The following SNW1 variants were observed in gnomAD, a reference collection of about 807,000 sequenced individuals.
SNW1 encodes SNW domain-containing protein 1.
A neutral mutation model predicts 75.6 loss-of-function variants in SNW1; 9 were observed. That is an observed-to-expected ratio of 0.12 (90% CI 0.07 to 0.21). SNW1 has a LOEUF of 0.21. Among genes scored for constraint, SNW1 ranks in the 10% least tolerant of loss-of-function variants. SNW1 has a pLI of 1.00. For missense variants in SNW1, 409 were observed against 670.9 expected, an observed-to-expected ratio of 0.61 and a Z score of 4.31; for synonymous variants, 200 against 219.1, an observed-to-expected ratio of 0.91 and a Z score of 0.77.
intron 8 of SNW1, among the ~76,000 whole-genome samples, chr14:77,733,742 C>CAAAAAAAAAAA (rs35483765): frequency 6.2e-5 from 4 of 64,850 alleles, no homozygotes; most frequent in Non-Finnish European, 8.1e-5. Flanking sequence ...GAGACCGTCT[C>CAAAAAAAAAAA]AAAAAAAAAA....
intron 10 of SNW1, among the ~76,000 whole-genome samples, chr14:77,730,410 T>G (rs141056007): frequency 0.013 from 1,918 of 151,946 alleles, 33 homozygotes; most frequent in African/African-American, 0.041. Context: ...ATGAACTAAA[T>G]AAATGAAAGA....
chr14:77,733,828 T>C, intron 8 of SNW1: 1 of 218,258 alleles, frequency 4.6e-6, no homozygotes, highest in South Asian at 4.9e-5. Flanking sequence ...TTCTAAAACT[T>C]TGCATCCCAT....
At chr14:77,759,945 G>A (rs747558170) in intron 1 of SNW1, among the ~76,000 whole-genome samples, 2 of 151,478 alleles carry the variant, frequency 1.3e-5, no homozygotes, top group African/African-American at 4.9e-5. Context: ...CAGCGAGACC[G>A]CATCTCAAAA....
intron 3 of SNW1, among the ~76,000 whole-genome samples, chr14:77,741,778 G>A (rs6574391): frequency 0.84 from 127,620 of 152,110 alleles, 53,684 homozygotes; most frequent in African/African-American, 0.87. Context: ...TTAATCATGA[G>A]GAGTTTATCA....
intron 10 of SNW1, among the ~76,000 whole-genome samples, chr14:77,724,485 TC>T (rs1463661256): frequency 6.6e-6 from 1 of 152,254 alleles, no homozygotes; most frequent in Admixed American, 6.5e-5. Context: ...TTCTGTACCA[TC>T]AACCAATCTC....
At chr14:77,754,573 C>T (rs962307845) in intron 2 of SNW1, among the ~76,000 whole-genome samples, 2 of 152,072 alleles carry the variant, frequency 1.3e-5, no homozygotes, top group African/African-American at 4.8e-5. Context: ...GGAAAGTTGT[C>T]TCTTCAGGGT....
At chr14:77,744,663 C>T (rs2080746783) in intron 3 of SNW1, among the ~76,000 whole-genome samples, 1 of 152,108 alleles carries the variant, frequency 6.6e-6, no homozygotes, top group African/African-American at 2.4e-5. Context: ...AAAACTCCTG[C>T]TTTCCAGTCT....
chr14:77,735,807 C>A, intron 7 of SNW1, 130 bp downstream of exon 7: 1 of 623,676 alleles, frequency 1.6e-6, no homozygotes, highest in South Asian at 2.2e-5. Context: ...CTTGAAACTT[C>A]ATCTTGAAAA....
chr14:77,722,196 C>CT (rs2080546668), intron 11 of SNW1, among the ~76,000 whole-genome samples: 1 of 152,194 alleles, frequency 6.6e-6, no homozygotes, highest in Non-Finnish European at 1.5e-5. Context: ...AGCGTTCCCT[C>CT]TACTTTTCAG....
At chr14:77,722,416 A>G in intron 11 of SNW1, 1 of 396,770 alleles carries the variant, frequency 2.5e-6, no homozygotes, top group South Asian at 1.8e-5. Flanking sequence ...TACTTCTTTC[A>G]AAACTGCTCT....
chr14:77,754,956 T>C lies in SNW1; in HGVS notation c.168+11A>G, dbSNP rs763486571. On this transcript the variant is annotated intron_variant, in intron 2 of 13. Transcript: ENST00000261531. Reference sequence around the variant, plus strand: ...CAATTTAACAAATCTAAACTTAAGATCTATATGTACCTCTAATAACCGAGG... The same window carrying C: ...CAATTTAACAAATCTAAACTTAAGACCTATATGTACCTCTAATAACCGAGG... The C allele has an allele frequency of 7.4e-5, 116 of 1,567,078 alleles. 1 individual carries two copies. The highest frequency in any genetic ancestry group is 2.1e-4 in the Middle Eastern group (1 of 4,804).
intron 2 of SNW1, among the ~76,000 whole-genome samples, chr14:77,753,247 T>C (rs1054490429): frequency 2.0e-5 from 3 of 152,198 alleles, no homozygotes; most frequent in African/African-American, 4.8e-5. Flanking sequence ...AAAAATCTAA[T>C]AGCAACCAAG....
At chr14:77,757,816 C>T (rs896288206) in intron 1 of SNW1, among the ~76,000 whole-genome samples, 1 of 152,210 alleles carries the variant, frequency 6.6e-6, no homozygotes, top group Non-Finnish European at 1.5e-5. Flanking sequence ...TCTTCCCCAG[C>T]ACTCACCATC....
Position 77,717,788 on chromosome 14 carries a change from A to C in SNW1, c.*300T>G. The stretch of plus-strand genomic sequence containing the variant: ...ATATGCAGCTGTTCTTACACAAAAC[A>C]TTAACCCCAAACTACTAGTGTCACA... On this transcript the variant is annotated 3_prime_UTR_variant, in exon 14 of 14. Coordinates refer to ENST00000261531, the MANE Select transcript of SNW1 (RefSeq NM_012245.3). The C allele has an allele frequency of 3.4e-6, 2 of 593,616 alleles. No homozygotes were observed. Among genetic ancestry groups the C allele is most frequent in the Non-Finnish European group, 5.9e-6 (2 of 337,532 alleles). 36.8% of individuals were successfully genotyped at this position (593,616 alleles called of 1,614,324 possible).
chr14:77,736,056 G>T, intron 6 of SNW1, 50 bp from the exon 7 acceptor site: 1 of 1,351,608 alleles, frequency 7.4e-7, no homozygotes, highest in Non-Finnish European at 1.0e-6. Context: ...CTCCCTTTTA[G>T]TCATCATATC....
At chr14:77,743,341 G>T (rs190119203) in intron 3 of SNW1, among the ~76,000 whole-genome samples, 13 of 152,046 alleles carry the variant, frequency 8.6e-5, no homozygotes, top group African/African-American at 2.7e-4. Context: ...CTAATAAGTC[G>T]TATACACAGT....
intron 3 of SNW1, among the ~76,000 whole-genome samples, chr14:77,746,890 GCTCCCC>G (rs890906577): frequency 6.0e-5 from 9 of 151,186 alleles, no homozygotes; most frequent in African/African-American, 1.2e-4. Context: ...TGGAATTATA[GCTCCCC>G]CTCCCCCTCC....
chr14:77,752,988 T>C (rs1001034297), intron 2 of SNW1, among the ~76,000 whole-genome samples: 8 of 152,160 alleles, frequency 5.3e-5, no homozygotes, highest in African/African-American at 1.9e-4. Flanking sequence ...TTGGATTTGC[T>C]AGAGTTTTTC....
intron 3 of SNW1, among the ~76,000 whole-genome samples, chr14:77,748,501 GA>G (rs1453733909): frequency 6.6e-6 from 1 of 152,034 alleles, no homozygotes; most frequent in African/African-American, 2.4e-5. Context: ...TTACCTCTGG[GA>G]AGTAAAGTAG....
Sources: allele counts gnomAD v4.1 joint callset (sites outside exome capture counted in the v4.1 genomes callset), GRCh38; gene constraint gnomAD v4.1.1; transcripts MANE v1.5; gene names NCBI Gene and HGNC (gene_info 2026-07-23, HGNC 2026-07-21).